Variants in PLPP4 observed in about 807,000 individuals in gnomAD.
PLPP4 encodes the protein diacylglycerol pyrophosphate like 2.
Under a neutral mutation model 32.2 loss-of-function variants are expected in PLPP4, and 20 were observed. The ratio of observed to expected loss-of-function variants is 0.62; its 90% confidence interval spans 0.44 to 0.90. The LOEUF is 0.90. Among genes scored for constraint, PLPP4 ranks in the 40% least tolerant of loss-of-function variants. The pLI is 0.00. For missense variants in PLPP4, 257 were observed against 353.1 expected (o/e 0.73, Z 2.18); for synonymous variants, 127 against 133.0 (o/e 0.95, Z 0.31).
At chr10:120,497,114 A>G (rs1845004970) in intron 1 of PLPP4, among the ~76,000 whole-genome samples, 1 of 152,006 alleles carries the variant, frequency 6.6e-6, no homozygotes. Context: ...CTGGAATTGC[A>G]TCTGCTGCTT....
In PLPP4 at chr10:120,575,285, C is replaced by T. The variant is rs200561859; in HGVS notation, c.600C>T (p.Tyr200=). The T allele has an allele frequency of 1.4e-4, 228 of 1,613,756 alleles. No homozygotes were observed. The highest frequency in any genetic ancestry group is 1.8e-4 in the Non-Finnish European group (213 of 1,179,840). The change falls in exon 6 of 7, where the codon TAC becomes TAT. Residue 200 remains tyrosine, a synonymous_variant. Transcript: ENST00000398250. The part of the protein sequence containing the change: ...MMIALSRMCD[Y]KHHWQDSFVG... ...TTGCCCTGTCCCGCATGTGCGACTA[C>T]AAGCATCACTGGCAAGGTGAGTCCC... is the stretch of plus-strand genomic sequence containing the variant.
At position 120,464,847 on chromosome 10, in the gene PLPP4, G is replaced by A. The variant is rs533761536; in HGVS notation, c.56+7486G>A. ...CTCTCAGCCCATCTGTGCATGCTGT[G>A]CAATGGGGCCCGAGTGTTTCTTCTC... is the stretch of plus-strand genomic sequence containing the variant. On this transcript the variant is annotated intron_variant, in intron 1 of 6. Transcript: ENST00000398250. Among the ~76,000 whole-genome samples the A allele has an allele frequency of 8.9e-4, 136 of 152,294 alleles. 3 individuals are homozygous for A. The South Asian group carries it at 0.026, about 29-fold the overall frequency.
chr10:120,531,825 A>G (rs768918753), intron 5 of PLPP4, among the ~76,000 whole-genome samples: 2 of 151,144 alleles, frequency 1.3e-5, no homozygotes, highest in East Asian at 1.9e-4. Context: ...ATATATATAT[A>G]TGTACACACA....
chr10:120,470,601 G>A (rs1261356706), intron 1 of PLPP4, among the ~76,000 whole-genome samples: 1 of 151,870 alleles, frequency 6.6e-6, no homozygotes, highest in Non-Finnish European at 1.5e-5. Flanking sequence ...TCTGTTACTT[G>A]TCCCCCTCAA....
At chr10:120,573,184 G>T (rs992714801) in intron 5 of PLPP4, among the ~76,000 whole-genome samples, 2 of 152,138 alleles carry the variant, frequency 1.3e-5, no homozygotes, top group Non-Finnish European at 2.9e-5. Context: ...GAGGGGGAGG[G>T]TGCTAATCAT....
At chr10:120,563,478 T>C (rs1848527312) in intron 5 of PLPP4, among the ~76,000 whole-genome samples, 1 of 152,114 alleles carries the variant, frequency 6.6e-6, no homozygotes, top group Non-Finnish European at 1.5e-5. Context: ...TTTCAAAATA[T>C]AGAATCAGTT....
At chr10:120,544,814 C>G (rs890538733) in intron 5 of PLPP4, among the ~76,000 whole-genome samples, 2 of 152,182 alleles carry the variant, frequency 1.3e-5, no homozygotes, top group Non-Finnish European at 2.9e-5. Context: ...CAGGAGGGCC[C>G]ATTGGTTTGA....
At chr10:120,459,907 G>A (rs189569949) in intron 1 of PLPP4, among the ~76,000 whole-genome samples, 4 of 152,220 alleles carry the variant, frequency 2.6e-5, no homozygotes, top group African/African-American at 4.8e-5. Context: ...TTGGGCCCAC[G>A]GGTAGTAGGG....
chr10:120,524,147 G>A (rs1022589037), intron 5 of PLPP4, among the ~76,000 whole-genome samples: 2 of 152,136 alleles, frequency 1.3e-5, no homozygotes, highest in African/African-American at 4.8e-5. Flanking sequence ...CCAGTCTGTA[G>A]GCTTTGATGG....
intron 1 of PLPP4, among the ~76,000 whole-genome samples, chr10:120,496,475 G>A (rs72836003): frequency 0.037 from 5,618 of 152,244 alleles, 146 homozygotes; most frequent in South Asian, 0.089. Context: ...GGCTCTGGGT[G>A]GGAGGCTATT....
At chr10:120,577,375 T>A (rs1185226774) in intron 6 of PLPP4, among the ~76,000 whole-genome samples, 1 of 152,238 alleles carries the variant, frequency 6.6e-6, no homozygotes, top group Non-Finnish European at 1.5e-5. Flanking sequence ...TTCAGCACTC[T>A]CTGGCCCTAC....
intron 5 of PLPP4, among the ~76,000 whole-genome samples, chr10:120,564,225 C>A (rs926459701): frequency 2.0e-5 from 3 of 151,302 alleles, no homozygotes; most frequent in Admixed American, 1.3e-4. Context: ...CTTCTGTGAC[C>A]CACAGTTGTT....
At chr10:120,553,844 C>T (rs1848024744) in intron 5 of PLPP4, among the ~76,000 whole-genome samples, 1 of 152,172 alleles carries the variant, frequency 6.6e-6, no homozygotes, top group Non-Finnish European at 1.5e-5. Flanking sequence ...AGGCCCTGGG[C>T]CTGGCCCACG....
At chr10:120,574,176 T>A (rs1246367848) in intron 5 of PLPP4, among the ~76,000 whole-genome samples, 1,033 of 73,288 alleles carry the variant, frequency 0.014, 5 homozygotes, top group African/African-American at 0.045. Flanking sequence ...ACACTCTCTC[T>A]CTCTCTCTCT....
In PLPP4 at chr10:120,581,319, T is replaced by A. The variant is rs1009162026; in HGVS notation, c.616+6018T>A. The A allele has an allele frequency of 1.1e-5, 11 of 984,898 alleles. No homozygotes were observed. The African/African-American group carries it at 1.9e-4, about 17-fold the overall frequency. The allele number at this position is 984,898 out of a possible 1,614,324, so 61.0% of individuals were successfully genotyped here. Reference sequence around the variant, plus strand: ...CAGCATATTTATAGACTCCAACTTTTCCTTCCCACTCTGGTCTAGTGATCC... The same window carrying A: ...CAGCATATTTATAGACTCCAACTTTACCTTCCCACTCTGGTCTAGTGATCC... On this transcript the variant is annotated intron_variant, in intron 6 of 6. Transcript: ENST00000398250.
intron 1 of PLPP4, among the ~76,000 whole-genome samples, chr10:120,481,383 A>G (rs1426855417): frequency 2.0e-5 from 3 of 152,222 alleles, no homozygotes; most frequent in Non-Finnish European, 4.4e-5. Flanking sequence ...GGGATAACTC[A>G]GTTCCTAGAA....
intron 5 of PLPP4, among the ~76,000 whole-genome samples, chr10:120,547,112 G>A (rs1462731069): frequency 6.6e-6 from 1 of 151,784 alleles, no homozygotes; most frequent in African/African-American, 2.4e-5. Flanking sequence ...TAATCTTTAA[G>A]AATGATGAAC....
rs1375976816 is a variant in PLPP4 at position 120,457,345 on chromosome 10, C to G, written c.40C>G (p.Leu14Val). ...LAIEIGVRALLFGVFVFTEFL... is the reference protein window; with the variant it reads ...LAIEIGVRALVFGVFVFTEFL... ...CATTGAGATCGGGGTGCGAGCCCTG[C>G]TCTTCGGAGTCTTCGTGTAAGTAGT... Residue 14 changes from leucine (L) to valine (V), a missense_variant, in exon 1 of 7, where the codon CTC (leucine) becomes GTC (valine). Physicochemically the swap from Leu to Val is conservative, Grantham distance 32. Coordinates refer to ENST00000398250, the MANE Select transcript of PLPP4 (RefSeq NM_001030059.3). The G allele has an allele frequency of 2.6e-6, 4 of 1,536,170 alleles. No individual in the cohort carries two copies. The highest frequency in any genetic ancestry group is 2.6e-6 in the Non-Finnish European group (3 of 1,140,288).
chr10:120,461,761 G>A (rs1848059759), intron 1 of PLPP4, among the ~76,000 whole-genome samples: 1 of 152,154 alleles, frequency 6.6e-6, no homozygotes, highest in African/African-American at 2.4e-5. Flanking sequence ...TGAAAATTTT[G>A]CCTCCAAACA....
Sources: gnomAD v4.1 joint callset for allele counts (sites outside exome capture counted in the v4.1 genomes callset) on GRCh38, gnomAD v4.1.1 for gene constraint, MANE v1.5 for transcripts, NCBI Gene and HGNC (gene_info 2026-07-23, HGNC 2026-07-21) for gene names.